Variants in TEX9 observed in about 807,000 individuals in gnomAD.
The protein encoded by TEX9 is testis expressed 9.
A neutral mutation model predicts 59.6 loss-of-function variants in TEX9; 74 were observed. That is an observed-to-expected ratio of 1.24 (90% CI 1.03 to 1.51). TEX9 has a LOEUF of 1.51. TEX9 is among the 40% of genes most tolerant of loss of function. The probability of loss-of-function intolerance (pLI) is 0.00; values close to 1 mark genes in which losing one functional copy is unlikely to be tolerated. For synonymous variants in TEX9, 186 were observed against 152.2 expected, an observed-to-expected ratio of 1.22 and a Z score of -1.64; for missense variants, 522 against 447.8, an observed-to-expected ratio of 1.17 and a Z score of -1.49.
upstream of TEX9, chr15:56,244,005 AGC>A (rs373792884): frequency 7.7e-3 from 1,154 of 150,690 alleles, 24 homozygotes; most frequent in East Asian, 0.043. Flanking sequence ...GGCGCGGGCC[AGC>A]GGGCCAGGGA....
Position 56,431,494 on chromosome 15 carries a change from C to T in TEX9, c.*29+3021C>T, listed in dbSNP as rs144217705. On this transcript the variant is annotated intron_variant, in intron 12 of 12. Coordinates refer to ENST00000352903, the Ensembl canonical transcript of TEX9. Reference sequence around the variant, plus strand: ...CTGCAACTGCCACTCTTCTAGTTCACGTTGCTGGAAATGCAGATCAAATTT... The same window carrying T: ...CTGCAACTGCCACTCTTCTAGTTCATGTTGCTGGAAATGCAGATCAAATTT... The T allele has an allele frequency of 1.5e-3, 2,439 of 1,613,420 alleles. 7 individuals are homozygous for T. The highest frequency in any genetic ancestry group is 3.5e-3 in the South Asian group (319 of 90,994).
intron 1 of TEX9, among the ~76,000 whole-genome samples, chr15:56,300,932 C>G (rs759903664): frequency 3.9e-4 from 60 of 152,312 alleles, no homozygotes; most frequent in Non-Finnish European, 4.6e-4. Context: ...ATATCTAACT[C>G]TTAACTGCCC....
At chr15:56,339,407 A>AAC in intron 1 of TEX9, among the ~76,000 whole-genome samples, 1 of 149,828 alleles carries the variant, frequency 6.7e-6, no homozygotes, top group South Asian at 2.1e-4. Flanking sequence ...AAAAAAAAAA[A>AAC]AAAAAAACAG....
chr15:56,436,580 A>G lies in TEX9; in HGVS notation c.*29+8107A>G, dbSNP rs367717400. On this transcript the variant is annotated intron_variant, in intron 12 of 12. Transcript: ENST00000352903. ...CCAAGAGCAAACACATTCAAAAGCT[A>G]GCAGAAGGCAAGAAATAACTAAGAT... Among the ~76,000 whole-genome samples, 10 of 152,306 alleles carry G rather than the reference A, an allele frequency of 6.6e-5. No individual in the cohort carries two copies. The South Asian group carries it at 1.0e-3, about 16-fold the overall frequency.
At chr15:56,354,283 T>A (rs1218048606) in intron 1 of TEX9, among the ~76,000 whole-genome samples, 4 of 152,132 alleles carry the variant, frequency 2.6e-5, no homozygotes, top group Admixed American at 2.6e-4. Flanking sequence ...TTTCTGGGAG[T>A]CCCTGGAGGT....
chr15:56,388,243 C>T (rs2048049354), intron 4 of TEX9, among the ~76,000 whole-genome samples: 1 of 152,012 alleles, frequency 6.6e-6, no homozygotes, highest in African/African-American at 2.4e-5. Context: ...CATTTTCCTA[C>T]TAGAATATTG....
intron 1 of TEX9, among the ~76,000 whole-genome samples, chr15:56,322,349 G>A (rs1461920586): frequency 6.6e-6 from 1 of 152,116 alleles, no homozygotes; most frequent in Non-Finnish European, 1.5e-5. Flanking sequence ...ATTTTTAAAG[G>A]CTTACTCTGG....
chr15:56,363,716 A>C (rs1299148649), upstream of TEX9, among the ~76,000 whole-genome samples: 2 of 151,330 alleles, frequency 1.3e-5, no homozygotes, highest in African/African-American at 4.9e-5. Context: ...CCCAGGCTAG[A>C]GTGCAGTGGT....
intron 1 of TEX9, among the ~76,000 whole-genome samples, chr15:56,346,595 C>A (rs2046474534): frequency 6.6e-6 from 1 of 152,166 alleles, no homozygotes; most frequent in Non-Finnish European, 1.5e-5. Flanking sequence ...CAAGGTGAAT[C>A]ATCTTGATTG....
chr15:56,279,088 C>CAT (rs1197913082), intron 1 of TEX9, among the ~76,000 whole-genome samples: 1 of 152,042 alleles, frequency 6.6e-6, no homozygotes, highest in African/African-American at 2.4e-5. Context: ...AACATACATA[C>CAT]ATATATATAT....
chr15:56,452,522 C>CTT, the TEX9 span, among the ~76,000 whole-genome samples: 1 of 138,876 alleles, frequency 7.2e-6, no homozygotes, highest in Non-Finnish European at 1.6e-5. Context: ...TTCTTTTTTT[C>CTT]TTTTTTTTTT....
intron 1 of TEX9, among the ~76,000 whole-genome samples, chr15:56,318,741 A>C (rs2045835308): frequency 6.6e-6 from 1 of 152,158 alleles, no homozygotes; most frequent in Admixed American, 6.5e-5. Context: ...TCTTAACTTA[A>C]GCAATCAAGT....
chr15:56,328,821 CT>C (rs1425445471), intron 1 of TEX9, among the ~76,000 whole-genome samples: 7 of 152,192 alleles, frequency 4.6e-5, no homozygotes. Flanking sequence ...GCCCTGACTC[CT>C]GTATGGCATC....
chr15:56,353,600 A>T (rs1345894493), intron 1 of TEX9, among the ~76,000 whole-genome samples: 1 of 152,222 alleles, frequency 6.6e-6, no homozygotes, highest in Non-Finnish European at 1.5e-5. Context: ...TTGTGATTTA[A>T]AATTACTTAT....
chr15:56,270,749 G>C (rs1481809055), intron 1 of TEX9, among the ~76,000 whole-genome samples: 1 of 152,062 alleles, frequency 6.6e-6, no homozygotes, highest in Admixed American at 6.6e-5. Flanking sequence ...TTACAATTTG[G>C]CACGTTTTTG....
chr15:56,441,211 T>C (rs181517257), intron 12 of TEX9, among the ~76,000 whole-genome samples: 1 of 152,302 alleles, frequency 6.6e-6, no homozygotes, highest in East Asian at 1.9e-4. Flanking sequence ...ATATTTTCAT[T>C]ACTGATTTTT....
chr15:56,271,729 A>G (rs1433216092), intron 1 of TEX9, among the ~76,000 whole-genome samples: 2 of 152,216 alleles, frequency 1.3e-5, no homozygotes, highest in Non-Finnish European at 2.9e-5. Context: ...ATTTTGAACT[A>G]TTTTTGTTTT....
chr15:56,352,747 A>T (rs2046609358), intron 1 of TEX9, among the ~76,000 whole-genome samples: 1 of 152,286 alleles, frequency 6.6e-6, no homozygotes, highest in African/African-American at 2.4e-5. Context: ...TTGTTGTCAT[A>T]TCAGAGATAT....
chr15:56,309,693 G>GATTTTTTTT (rs2045560814), intron 1 of TEX9, among the ~76,000 whole-genome samples: 1 of 60,772 alleles, frequency 1.6e-5, no homozygotes, highest in Non-Finnish European at 2.8e-5. Flanking sequence ...TTTATGGGAA[G>GATTTTTTTT]TTTTTTTTTT....
Sources: gnomAD v4.1 joint callset for allele counts (sites outside exome capture counted in the v4.1 genomes callset) on GRCh38, gnomAD v4.1.1 for gene constraint, MANE v1.5 for transcripts, NCBI Gene and HGNC (gene_info 2026-07-23, HGNC 2026-07-21) for gene names.